NKAIN2: variants seen among roughly 807,000 people sequenced by gnomAD.
NKAIN2 encodes the protein sodium/potassium transporting ATPase interacting 2, also known as sodium/potassium-transporting ATPase subunit beta-1-interacting protein 2.
NKAIN2 carries 14 observed loss-of-function variants against 32.6 expected under a neutral mutation model. The ratio of observed to expected loss-of-function variants is 0.43; its 90% CI spans 0.28 to 0.67. NKAIN2 has a LOEUF of 0.67. Ranked by LOEUF, NKAIN2 falls within the 30% of genes least tolerant of loss-of-function variation. NKAIN2 has a pLI of 0.17. For synonymous variants in NKAIN2, 80 were observed against 87.2 expected (o/e 0.92, Z 0.46); for missense variants, 198 against 258.3 (o/e 0.77, Z 1.60).
intron 1 of NKAIN2, among the ~76,000 whole-genome samples, chr6:123,947,306 CAT>C (rs1486856002): frequency 6.6e-6 from 1 of 152,150 alleles, no homozygotes; most frequent in Admixed American, 6.6e-5. Flanking sequence ...TTAACCTGAA[CAT>C]ATGTTTCCTT....
chr6:124,403,179 A>G lies in NKAIN2; in HGVS notation c.273+47832A>G, dbSNP rs117731602. Among the ~76,000 whole-genome samples the G allele has an allele frequency of 3.7e-3, 566 of 152,080 alleles. 2 individuals carry two copies. Among genetic ancestry groups the G allele is most frequent in the Non-Finnish European group, 5.7e-3 (388 of 67,952 alleles). On this transcript the variant is annotated intron_variant, in intron 3 of 6. Coordinates refer to ENST00000368417, the MANE Select transcript of NKAIN2 (RefSeq NM_001040214.3). ...AGGTAATATTTCTTTTCAATTTTCT[A>G]TTTTCCGTTTTATAGTCTAAACATC...
chr6:124,412,993 C>T (rs896258194), intron 3 of NKAIN2, among the ~76,000 whole-genome samples: 13 of 152,176 alleles, frequency 8.5e-5, no homozygotes, highest in African/African-American at 3.1e-4. Context: ...AGATAATCTC[C>T]TGGTGTGCCG....
At chr6:124,224,271 C>T (rs1304736339) in intron 1 of NKAIN2, among the ~76,000 whole-genome samples, 4 of 152,046 alleles carry the variant, frequency 2.6e-5, no homozygotes, top group African/African-American at 9.7e-5. Flanking sequence ...CTGATTATTC[C>T]TTTGAAGTGT....
At chr6:124,636,279 C>T (rs946111089) in intron 3 of NKAIN2, among the ~76,000 whole-genome samples, 5 of 151,344 alleles carry the variant, frequency 3.3e-5, no homozygotes, top group East Asian at 1.9e-4. Context: ...TTACAGAAAA[C>T]GCAATACTAA....
At chr6:123,967,886 T>C (rs1288239883) in intron 1 of NKAIN2, among the ~76,000 whole-genome samples, 1 of 152,170 alleles carries the variant, frequency 6.6e-6, no homozygotes, top group Non-Finnish European at 1.5e-5. Flanking sequence ...GTGCTCGCTC[T>C]CTGTGGTATC....
intron 4 of NKAIN2, among the ~76,000 whole-genome samples, chr6:124,768,635 A>G (rs1778616106): frequency 1.3e-5 from 2 of 152,176 alleles, no homozygotes; most frequent in Non-Finnish European, 2.9e-5. Context: ...TCAGTCACCA[A>G]AAACATACTC....
chr6:124,394,653 G>GAA lies in NKAIN2; in HGVS notation c.273+39320_273+39321dup, dbSNP rs58812785. Among the ~76,000 whole-genome samples, 503 of 118,502 alleles carry GAA rather than the reference G, an allele frequency of 4.2e-3. 1 individual carries two copies. The highest frequency in any genetic ancestry group is 6.9e-3 in the Non-Finnish European group (376 of 54,846). The allele number at this position is 118,502 out of a possible 152,430, so 77.7% of individuals were successfully genotyped here. A position where few individuals can be genotyped will look rare whatever the true frequency, so the allele number is the denominator to read the frequency against. Reference sequence around the variant, plus strand: ...TATTTCAGTCCAAACCCAAATGGCAGAAAAAAAAAAAAAAACAGTGTCCCA... The same window carrying GAA: ...TATTTCAGTCCAAACCCAAATGGCAGAAAAAAAAAAAAAAAAACAGTGTCCCA... On this transcript the variant is annotated intron_variant, in intron 3 of 6. Coordinates refer to ENST00000368417, the MANE Select transcript of NKAIN2 (RefSeq NM_001040214.3).
chr6:124,672,937 C>G (rs1347332246), intron 4 of NKAIN2, among the ~76,000 whole-genome samples: 1 of 151,986 alleles, frequency 6.6e-6, no homozygotes, highest in Non-Finnish European at 1.5e-5. Context: ...TTTTAAGTGT[C>G]CAAGACACTG....
At chr6:124,214,087 A>G (rs1484182912) in intron 1 of NKAIN2, among the ~76,000 whole-genome samples, 2 of 152,224 alleles carry the variant, frequency 1.3e-5, no homozygotes, top group Non-Finnish European at 2.9e-5. Context: ...CAATGTAGAC[A>G]ATAGACAAAA....
chr6:124,078,503 G>A (rs1783801292), intron 1 of NKAIN2, among the ~76,000 whole-genome samples: 1 of 152,140 alleles, frequency 6.6e-6, no homozygotes, highest in Non-Finnish European at 1.5e-5. Flanking sequence ...GAGAGGTTAA[G>A]TAATATGACC....
At chr6:124,685,411 A>G (rs530096100) in intron 4 of NKAIN2, among the ~76,000 whole-genome samples, 1 of 152,308 alleles carries the variant, frequency 6.6e-6, no homozygotes, top group Admixed American at 6.5e-5. Flanking sequence ...TTCATTGCTC[A>G]AGACTGACCA....
At chr6:123,953,526 G>A (rs539224282) in intron 1 of NKAIN2, among the ~76,000 whole-genome samples, 1 of 152,250 alleles carries the variant, frequency 6.6e-6, no homozygotes, top group East Asian at 1.9e-4. Flanking sequence ...TGATGGGCTG[G>A]GTGGACCAGT....
intron 1 of NKAIN2, among the ~76,000 whole-genome samples, chr6:124,068,535 C>T (rs1382208926): frequency 6.6e-6 from 1 of 151,802 alleles, no homozygotes; most frequent in Non-Finnish European, 1.5e-5. Flanking sequence ...GGACTACGGG[C>T]ATGGTTCATT....
At chr6:124,656,508 G>C (rs1042547891) in intron 3 of NKAIN2, among the ~76,000 whole-genome samples, 1 of 152,026 alleles carries the variant, frequency 6.6e-6, no homozygotes, top group African/African-American at 2.4e-5. Context: ...GAGATATCTA[G>C]GCTAACAGAA....
chr6:124,422,778 T>G (rs1392726747), intron 3 of NKAIN2, among the ~76,000 whole-genome samples: 1 of 152,362 alleles, frequency 6.6e-6, no homozygotes, highest in South Asian at 2.1e-4. Flanking sequence ...GCAGCAGTGC[T>G]GTGCTGAAGT....
chr6:124,253,220 A>G (rs1234457865), intron 1 of NKAIN2, among the ~76,000 whole-genome samples: 1 of 152,204 alleles, frequency 6.6e-6, no homozygotes, highest in Non-Finnish European at 1.5e-5. Context: ...ATTTTCCACT[A>G]ATTGTATTTC....
intron 1 of NKAIN2, among the ~76,000 whole-genome samples, chr6:124,067,418 T>C (rs1167411513): frequency 1.3e-5 from 2 of 152,118 alleles, no homozygotes; most frequent in Admixed American, 6.6e-5. Flanking sequence ...CCACATTCCA[T>C]TATGAGAAAC....
At chr6:124,788,237 A>G (rs963973786) in intron 4 of NKAIN2, among the ~76,000 whole-genome samples, 2 of 152,098 alleles carry the variant, frequency 1.3e-5, no homozygotes, top group East Asian at 3.9e-4. Flanking sequence ...TATTGCCTCA[A>G]TTGTTGACAG....
At chr6:124,767,721 G>T (rs1195886147) in intron 4 of NKAIN2, among the ~76,000 whole-genome samples, 1 of 152,116 alleles carries the variant, frequency 6.6e-6, no homozygotes, top group Non-Finnish European at 1.5e-5. Flanking sequence ...CACTCTGGTG[G>T]TCCTGCATCC....
Sources: allele counts gnomAD v4.1 joint callset (sites outside exome capture counted in the v4.1 genomes callset), GRCh38; gene constraint gnomAD v4.1.1; transcripts MANE v1.5; gene names NCBI Gene and HGNC (gene_info 2026-07-23, HGNC 2026-07-21).